The following PAPPA variants were observed in gnomAD, a reference collection of about 807,000 sequenced individuals.
PAPPA encodes the protein pappalysin 1.
Under a neutral mutation model 164.0 loss-of-function variants are expected in PAPPA, and 60 were observed. The ratio of observed to expected loss-of-function variants is 0.37; its 90% CI spans 0.30 to 0.45. The LOEUF (loss-of-function observed/expected upper bound fraction) is 0.45, where lower values mean the gene tolerates loss of function less well. Among genes scored for constraint, PAPPA ranks in the 20% least tolerant of loss-of-function variants. The pLI is 1.00. For missense variants in PAPPA, 1,782 were observed against 2,087.3 expected (o/e 0.85, Z 2.85); for synonymous variants, 875 against 814.1 (o/e 1.07, Z -1.27).
chr9:116,238,657 A>G (rs1225779509), intron 7 of PAPPA, among the ~76,000 whole-genome samples: 3 of 152,210 alleles, frequency 2.0e-5, no homozygotes, highest in South Asian at 2.1e-4. Flanking sequence ...CACTCTCCAA[A>G]TATTTCTTTA....
At chr9:116,313,207 T>C (rs939885299) in intron 10 of PAPPA, among the ~76,000 whole-genome samples, 1 of 151,654 alleles carries the variant, frequency 6.6e-6, no homozygotes, top group African/African-American at 2.4e-5. Flanking sequence ...CAGGGAGAAA[T>C]GGGCCCAGAG....
intron 9 of PAPPA, among the ~76,000 whole-genome samples, chr9:116,289,313 G>GCCATATATATGCCATATATATA (rs1397352816): frequency 0.04 from 4,748 of 118,922 alleles, 434 homozygotes; most frequent in Non-Finnish European, 0.059. Context: ...GCATATATAT[G>GCCATATATATGCCATATATATA]GCATATATAT....
chr9:116,350,404 G>T (rs754136219), intron 15 of PAPPA, among the ~76,000 whole-genome samples: 5 of 152,142 alleles, frequency 3.3e-5, no homozygotes, highest in South Asian at 2.1e-4. Context: ...TTGCAGGGGT[G>T]GGGGGACATA....
At chr9:116,250,186 C>G (rs1454756195) in intron 7 of PAPPA, among the ~76,000 whole-genome samples, 5 of 152,078 alleles carry the variant, frequency 3.3e-5, no homozygotes, top group Non-Finnish European at 7.4e-5. Context: ...ATACCTATAA[C>G]GTTACAAGGC....
intron 2 of PAPPA, among the ~76,000 whole-genome samples, chr9:116,195,105 C>A (rs1844088524): frequency 6.6e-6 from 1 of 152,116 alleles, no homozygotes; most frequent in Admixed American, 6.5e-5. Flanking sequence ...GAGAGATATG[C>A]CAGACTTGTG....
chr9:116,155,028 C>T (rs1843584580), intron 1 of PAPPA, among the ~76,000 whole-genome samples: 1 of 152,222 alleles, frequency 6.6e-6, no homozygotes, highest in Admixed American at 6.5e-5. Flanking sequence ...CATTAGGCCC[C>T]ATTCCCCTGA....
chr9:116,340,836 A>G (rs546048986), intron 13 of PAPPA, among the ~76,000 whole-genome samples: 49 of 152,294 alleles, frequency 3.2e-4, no homozygotes, highest in African/African-American at 1.1e-3. Context: ...CATTAACTCA[A>G]TGCTACCCCT....
At chr9:116,382,227 G>A (rs1261846949) in intron 20 of PAPPA, among the ~76,000 whole-genome samples, 168 bp from the exon 21 acceptor site, 1 of 152,132 alleles carries the variant, frequency 6.6e-6, no homozygotes, top group Non-Finnish European at 1.5e-5. Flanking sequence ...TTTATGAATG[G>A]TAGAGGTGAT....
chr9:116,164,439 A>G (rs1201957680), intron 1 of PAPPA, among the ~76,000 whole-genome samples: 1 of 152,202 alleles, frequency 6.6e-6, no homozygotes, highest in African/African-American at 2.4e-5. Flanking sequence ...CCCCTCTTCT[A>G]CTTTAGATTG....
At chr9:116,181,354 T>C (rs996515855) in intron 1 of PAPPA, among the ~76,000 whole-genome samples, 3 of 148,546 alleles carry the variant, frequency 2.0e-5, no homozygotes, top group Admixed American at 6.9e-5. Context: ...CTCTCTCTCT[T>C]TCTCTCTCTC....
chr9:116,207,365 C>A, intron 2 of PAPPA, 91 bp from the exon 3 acceptor site: 1 of 1,017,714 alleles, frequency 9.8e-7, no homozygotes, highest in Non-Finnish European at 1.4e-6. Flanking sequence ...TAGCAAAATG[C>A]CTGGCACTCA....
In PAPPA at chr9:116,398,616, CA is replaced by C; in HGVS notation, c.*2001del. 9.2e-7 allele frequency: 1 copy of C among 1,082,612 alleles called. No homozygotes were observed. The highest frequency in any genetic ancestry group is 1.3e-6 in the Non-Finnish European group (1 of 799,976). The allele number at this position is 1,082,612 out of a possible 1,614,324, so 67.1% of individuals were successfully genotyped here. ...ATCTCTGGCCAATTACACTAAGAAA[CA>C]TATCAAGGTGCTTTTGGCACAGGTG... On this transcript the variant is annotated 3_prime_UTR_variant, in exon 22 of 22. Coordinates refer to ENST00000328252, the MANE Select transcript of PAPPA (RefSeq NM_002581.5).
chr9:116,199,447 A>C (rs1844145451), intron 2 of PAPPA, among the ~76,000 whole-genome samples: 1 of 152,196 alleles, frequency 6.6e-6, no homozygotes, highest in East Asian at 1.9e-4. Context: ...CCCATGTGTG[A>C]ATACCACTAC....
chr9:116,388,238 G>A (rs1846842322), intron 21 of PAPPA, among the ~76,000 whole-genome samples: 1 of 152,232 alleles, frequency 6.6e-6, no homozygotes, highest in East Asian at 1.9e-4. Context: ...AGACAGGAAG[G>A]GGCAGGACTC....
intron 19 of PAPPA, among the ~76,000 whole-genome samples, chr9:116,368,228 G>A (rs779053320): frequency 2.6e-5 from 4 of 152,148 alleles, no homozygotes; most frequent in Non-Finnish European, 4.4e-5. Flanking sequence ...ACCTGTTTTG[G>A]GGAAAGCAAT....
At chr9:116,282,699 T>A (rs1845282456) in intron 9 of PAPPA, among the ~76,000 whole-genome samples, 1 of 152,164 alleles carries the variant, frequency 6.6e-6, no homozygotes. Flanking sequence ...TTATGCTACA[T>A]CTCCATCATT....
intron 21 of PAPPA, among the ~76,000 whole-genome samples, chr9:116,388,489 G>C (rs899841506): frequency 6.6e-6 from 1 of 152,172 alleles, no homozygotes; most frequent in Admixed American, 6.5e-5. Context: ...CACTAGTTGT[G>C]GTCATGTTTC....
intron 7 of PAPPA, among the ~76,000 whole-genome samples, chr9:116,243,706 G>C (rs1008103896): frequency 3.9e-5 from 6 of 152,142 alleles, no homozygotes; most frequent in East Asian, 3.9e-4. Context: ...ACACCAAAGA[G>C]AGGAGAAAGC....
chr9:116,234,820 C>T (rs1240589299), intron 6 of PAPPA, among the ~76,000 whole-genome samples: 1 of 152,132 alleles, frequency 6.6e-6, no homozygotes, highest in Non-Finnish European at 1.5e-5. Context: ...AATATGTACC[C>T]TTTACTTCTT....
Sources: gnomAD v4.1 joint callset for allele counts (sites outside exome capture counted in the v4.1 genomes callset) on GRCh38, gnomAD v4.1.1 for gene constraint, MANE v1.5 for transcripts, NCBI Gene and HGNC (gene_info 2026-07-23, HGNC 2026-07-21) for gene names.